CDH13: variants seen among roughly 807,000 people sequenced by gnomAD.
The protein encoded by CDH13 is cadherin-13.
In CDH13, 24 loss-of-function variants were observed where a neutral mutation model predicts 63.8. The ratio of observed to expected loss-of-function variants is 0.38; its 90% CI spans 0.27 to 0.53. The LOEUF is 0.53. Among genes scored for constraint, CDH13 ranks in the 20% least tolerant of loss-of-function variants. CDH13 has a pLI of 0.85. For synonymous variants in CDH13, 503 were observed against 355.3 expected, an observed-to-expected ratio of 1.42 and a Z score of -4.67; for missense variants, 1,049 against 903.1, an observed-to-expected ratio of 1.16 and a Z score of -2.07.
intron 5 of CDH13, among the ~76,000 whole-genome samples, chr16:83,252,783 A>C (rs1207542563): frequency 2.0e-5 from 3 of 152,088 alleles, no homozygotes; most frequent in Non-Finnish European, 1.5e-5. Context: ...TACCGTTCAC[A>C]GCACAGCCTG....
chr16:83,389,848 C>A (rs866403187), intron 6 of CDH13, among the ~76,000 whole-genome samples: 2 of 152,184 alleles, frequency 1.3e-5, no homozygotes, highest in Admixed American at 1.3e-4. Flanking sequence ...GAAGAGTTGG[C>A]CCTTAAATCT....
intron 2 of CDH13, among the ~76,000 whole-genome samples, chr16:82,880,024 A>G (rs1030007600): frequency 6.7e-6 from 1 of 148,262 alleles, no homozygotes; most frequent in Non-Finnish European, 1.5e-5. Flanking sequence ...AATAGATCAT[A>G]TATAATCATA....
intron 10 of CDH13, among the ~76,000 whole-genome samples, chr16:83,700,843 C>T (rs559593898): frequency 8.9e-4 from 135 of 152,202 alleles, no homozygotes; most frequent in Middle Eastern, 3.4e-3. Flanking sequence ...TGTAATTAAA[C>T]GGGCCACGGG....
At chr16:83,559,086 C>G (rs1431550764) in intron 7 of CDH13, among the ~76,000 whole-genome samples, 1 of 152,132 alleles carries the variant, frequency 6.6e-6, no homozygotes, top group Non-Finnish European at 1.5e-5. Flanking sequence ...TTAAACACTG[C>G]TATCATGTTA....
At chr16:83,191,978 A>ATT (rs2038730681) in intron 4 of CDH13, among the ~76,000 whole-genome samples, 1 of 152,126 alleles carries the variant, frequency 6.6e-6, no homozygotes, top group Non-Finnish European at 1.5e-5. Flanking sequence ...AATGATAAAA[A>ATT]GAGAGAGCAA....
intron 2 of CDH13, among the ~76,000 whole-genome samples, chr16:82,905,423 T>C (rs556576659): frequency 3.8e-4 from 55 of 144,620 alleles, no homozygotes; most frequent in African/African-American, 1.4e-3. Flanking sequence ...TGTTATACCA[T>C]GAATCACACG....
chr16:83,238,861 C>A (rs574476511), intron 5 of CDH13, among the ~76,000 whole-genome samples: 1 of 152,114 alleles, frequency 6.6e-6, no homozygotes, highest in Admixed American at 6.5e-5. Context: ...TGGACAAGGG[C>A]AAGACAGTCT....
At chr16:83,450,666 C>T (rs755785125) in intron 6 of CDH13, among the ~76,000 whole-genome samples, 7 of 152,082 alleles carry the variant, frequency 4.6e-5, no homozygotes, top group Non-Finnish European at 8.8e-5. Flanking sequence ...GTCAGGAGAT[C>T]GAGGCCATCC....
At chr16:83,744,608 GACC>G (rs1912394910) in intron 10 of CDH13, among the ~76,000 whole-genome samples, 1 of 152,074 alleles carries the variant, frequency 6.6e-6, no homozygotes, top group Non-Finnish European at 1.5e-5. Flanking sequence ...CATTCCAGGG[GACC>G]GTGTGAGTCA....
intron 6 of CDH13, among the ~76,000 whole-genome samples, chr16:83,421,818 A>G (rs1303120614): frequency 1.3e-5 from 2 of 152,216 alleles, no homozygotes; most frequent in African/African-American, 4.8e-5. Context: ...GTTCTTTCAG[A>G]CATTGAAATG....
At chr16:83,113,403 T>C (rs1364360593) in intron 3 of CDH13, among the ~76,000 whole-genome samples, 1 of 152,272 alleles carries the variant, frequency 6.6e-6, no homozygotes, top group Non-Finnish European at 1.5e-5. Flanking sequence ...ATTCTTACAA[T>C]AACTCTATAT....
intron 8 of CDH13, among the ~76,000 whole-genome samples, chr16:83,612,405 T>C (rs927502876): frequency 6.6e-6 from 1 of 151,732 alleles, no homozygotes; most frequent in Non-Finnish European, 1.5e-5. Flanking sequence ...AATCTTATAT[T>C]TAGTCTGTGT....
chr16:83,491,696 CTTTG>C (rs935277328), intron 7 of CDH13, among the ~76,000 whole-genome samples: 1 of 151,478 alleles, frequency 6.6e-6, no homozygotes, highest in Non-Finnish European at 1.5e-5. Flanking sequence ...ACTTTTCTGT[CTTTG>C]TTTGAATTTG....
At chr16:82,904,129 AAAG>A (rs1382684712) in intron 2 of CDH13, among the ~76,000 whole-genome samples, 2 of 152,060 alleles carry the variant, frequency 1.3e-5, no homozygotes, top group African/African-American at 2.4e-5. Context: ...AGTGAGATTT[AAAG>A]AAGAAAAAAA....
intron 6 of CDH13, among the ~76,000 whole-genome samples, chr16:83,419,629 G>A (rs2071655450): frequency 6.6e-6 from 1 of 152,114 alleles, no homozygotes. Flanking sequence ...CTACATAGAG[G>A]GGAATTTACT....
At chr16:83,526,114 A>G (rs1325221976) in intron 7 of CDH13, among the ~76,000 whole-genome samples, 2 of 152,244 alleles carry the variant, frequency 1.3e-5, no homozygotes, top group African/African-American at 4.8e-5. Flanking sequence ...GGGATGTAAC[A>G]TTCAAGGCAG....
intron 8 of CDH13, among the ~76,000 whole-genome samples, chr16:83,613,231 C>T (rs1909008547): frequency 6.6e-6 from 1 of 152,116 alleles, no homozygotes; most frequent in Admixed American, 6.6e-5. Context: ...CATTCTTTGT[C>T]TTTACTTTTC....
At chr16:83,276,951 A>C (rs113648214) in intron 5 of CDH13, among the ~76,000 whole-genome samples, 11,405 of 152,186 alleles carry the variant, frequency 0.075, 599 homozygotes, top group Non-Finnish European at 0.11. Context: ...ACTCCCCCTT[A>C]TAAAACCATT....
chr16:83,030,713 T>G (rs1392941487), intron 2 of CDH13, among the ~76,000 whole-genome samples: 1 of 147,850 alleles, frequency 6.8e-6, no homozygotes, highest in East Asian at 2.0e-4. Flanking sequence ...GCACTCCTCT[T>G]CACTGGAAGC....
Sources: allele counts gnomAD v4.1 joint callset (sites outside exome capture counted in the v4.1 genomes callset), GRCh38; gene constraint gnomAD v4.1.1; transcripts MANE v1.5; gene names NCBI Gene and HGNC (gene_info 2026-07-23, HGNC 2026-07-21).